The following DNM1 variants were observed in gnomAD, a reference collection of about 807,000 sequenced individuals.
DNM1 encodes the protein dynamin 1.
Under a neutral mutation model 104.6 loss-of-function variants are expected in DNM1, and 29 were observed. The observed-to-expected ratio is 0.28, with a 90% confidence interval of 0.21 to 0.38. The LOEUF (loss-of-function observed/expected upper bound fraction) is 0.38. Among genes scored for constraint, DNM1 ranks in the 10% least tolerant of loss-of-function variants. DNM1 has a pLI of 1.00. For missense variants in DNM1, 640 were observed against 1,189.4 expected, an observed-to-expected ratio of 0.54 and a Z score of 6.79; for synonymous variants, 445 against 475.8, an observed-to-expected ratio of 0.94 and a Z score of 0.84.
At position 128,219,218 on chromosome 9, in the gene DNM1, C is replaced by T. The variant is rs765080648; in HGVS notation, c.555C>T (p.Asp185=). Reference sequence around the variant, plus strand: ...CCAACTCTGACCTGGCCAATTCTGACGCCCTCAAGGTCGCCAAGGAGGTGG... The same window carrying T: ...CCAACTCTGACCTGGCCAATTCTGATGCCCTCAAGGTCGCCAAGGAGGTGG... ...SPANSDLANS[D]ALKVAKEVDP... The change falls in exon 4 of 22, where the codon GAC becomes GAT. Residue 185 remains aspartate, a synonymous_variant. Transcript: ENST00000372923. The T allele has an allele frequency of 3.7e-6, 6 of 1,614,192 alleles. No individual in the cohort carries two copies. The highest frequency in any genetic ancestry group is 2.2e-5 in the South Asian group (2 of 91,086).
Position 128,254,477 on chromosome 9 carries a change from T to C in DNM1, c.2535-177T>C. On this transcript the variant is annotated intron_variant, in intron 21 of 21. Transcript: ENST00000372923. This position sits in a 1 kb window ranked among gnomAD's most constrained non-coding sequence, Gnocchi z 6.1. ...GCTCCTCCCTCCATCTTCCTCCCCT[T>C]TCCCTTCCAGCCCCTTTTCCAGGAA... The C allele has an allele frequency of 1.3e-6, 2 of 1,502,584 alleles. No homozygotes were observed. Among genetic ancestry groups the C allele is most frequent in the South Asian group, 2.5e-5 (2 of 81,088 alleles). The allele number at this position is 1,502,584 out of a possible 1,614,324, so 93.1% of individuals were successfully genotyped here.
intron 11 of DNM1, among the ~76,000 whole-genome samples, chr9:128,238,218 G>A (rs1438521606): frequency 1.1e-5 from 1 of 90,234 alleles, no homozygotes; most frequent in African/African-American, 4.4e-5. Flanking sequence ...CTGTTTGTTT[G>A]TTTGTTTGTT....
intron 11 of DNM1, among the ~76,000 whole-genome samples, chr9:128,238,454 C>T (rs2131246947): frequency 6.6e-6 from 1 of 151,578 alleles, no homozygotes; most frequent in South Asian, 2.1e-4. Flanking sequence ...GAACTCCTGA[C>T]CTCAGGTGAT....
chr9:128,206,843 C>CT (rs1369762638), intron 1 of DNM1, among the ~76,000 whole-genome samples: 1 of 151,732 alleles, frequency 6.6e-6, no homozygotes, highest in African/African-American at 2.4e-5. Flanking sequence ...TTGTGGGAAG[C>CT]TTTTTAGTAG....
At position 128,218,542 on chromosome 9, in the gene DNM1, T is replaced by C. The variant is rs1398722064; in HGVS notation, c.236-40T>C. 3 of 1,586,976 alleles carry C rather than the reference T, an allele frequency of 1.9e-6. No individual in the cohort carries two copies. Among genetic ancestry groups the C allele is most frequent in the East Asian group, 2.3e-5 (1 of 44,432 alleles). On this transcript the variant is annotated intron_variant, in intron 2 of 21. Coordinates refer to ENST00000372923, the MANE Select transcript of DNM1 (RefSeq NM_004408.4). This position sits in a 1 kb window ranked among gnomAD's most constrained non-coding sequence, Gnocchi z 4.8. ...AAACCCCCAGGTGGGGTTCCAGACC[T>C]TGATGCCTACTGCCCTTCCCCTGCC...
chr9:128,239,959 T>C (rs1489506980), intron 13 of DNM1, 26 bp from the exon 14 acceptor site: 22 of 1,613,840 alleles, frequency 1.4e-5, no homozygotes, highest in Non-Finnish European at 1.8e-5. Flanking sequence ...ATGCCTCTCG[T>C]GGTTGCTATG....
intron 6 of DNM1, among the ~76,000 whole-genome samples, chr9:128,221,657 A>G (rs1031106361): frequency 3.3e-5 from 5 of 152,186 alleles, no homozygotes; most frequent in African/African-American, 1.2e-4. Context: ...CCACTTTGGG[A>G]GGCTGAGGCG....
In DNM1 at chr9:128,255,013, G is replaced by A. The variant is rs1040610153; in HGVS notation, c.*299G>A. The A allele has an allele frequency of 1.9e-4, 51 of 265,878 alleles. No homozygotes were observed. Among genetic ancestry groups the A allele is most frequent in the African/African-American group, 1.1e-3 (47 of 43,866 alleles). 16.5% of individuals were successfully genotyped at this position (265,878 alleles called of 1,614,324 possible). On this transcript the variant is annotated 3_prime_UTR_variant, in exon 22 of 22. Coordinates refer to ENST00000372923, the MANE Select transcript of DNM1 (RefSeq NM_004408.4). ...TCAGTCACTGTGCTATCCTTGTGGA[G>A]TCTTGTGGCCCAACTACCAGAGAAC...
chr9:128,231,966 GGAACGTTC>G (rs1214997506), intron 10 of DNM1: 3 of 456,220 alleles, frequency 6.6e-6, no homozygotes, highest in African/African-American at 6.0e-5. Context: ...GGCTGAGAGG[GGAACGTTC>G]CTTTTGAAAA....
At chr9:128,228,715 T>C (rs767333539) in intron 10 of DNM1, among the ~76,000 whole-genome samples, 7 of 152,246 alleles carry the variant, frequency 4.6e-5, no homozygotes, top group African/African-American at 1.7e-4. Context: ...CCAGGCGCAG[T>C]GGCTCACGCC....
chr9:128,244,667 T>C, intron 15 of DNM1: 1 of 484,424 alleles, frequency 2.1e-6, no homozygotes, highest in Non-Finnish European at 4.4e-6. Flanking sequence ...GGCTCCAGGC[T>C]CCGGTTCTGG....
rs1487476376 is a variant in DNM1 at position 128,248,270 on chromosome 9, G to A, written c.1906-313G>A. On this transcript the variant is annotated intron_variant, in intron 18 of 21. Transcript: ENST00000372923. This position sits in a 1 kb window ranked among gnomAD's most constrained non-coding sequence, Gnocchi z 5.6. ...TGAACCCAGGAGGAGGTTGCAATGA[G>A]CCAATACAGCACCACTGCACTCCAG... is the stretch of plus-strand genomic sequence containing the variant. 2 of 502,882 alleles carry A rather than the reference G, an allele frequency of 4.0e-6. No individual in the cohort carries two copies. Among genetic ancestry groups the A allele is most frequent in the Non-Finnish European group, 7.2e-6 (2 of 279,090 alleles). 31.2% of individuals were successfully genotyped at this position (502,882 alleles called of 1,614,324 possible).
Position 128,250,756 on chromosome 9 carries a change from C to G in DNM1, c.2350C>G (p.Arg784Gly). 7.0e-7 allele frequency: 1 copy of G among 1,425,954 alleles called. No individual in the cohort carries two copies. The highest frequency in any genetic ancestry group is 9.1e-7 in the Non-Finnish European group (1 of 1,094,136). 88.3% of individuals were successfully genotyped at this position (1,425,954 alleles called of 1,614,324 possible). A position where few individuals can be genotyped will look rare whatever the true frequency, so the allele number is the denominator to read the frequency against. Reference sequence around the variant, plus strand: ...CACGTCCAGCCCCACGCCGCAGCGCCGAGCCCCCGCCGTGCCCCCAGCCCG... The same window carrying G: ...CACGTCCAGCCCCACGCCGCAGCGCGGAGCCCCCGCCGTGCCCCCAGCCCG... ...SPTSSPTPQR[R>G]APAVPPARPG... The change falls in exon 21 of 22, where the codon CGA becomes GGA. Residue 784 changes from arginine (R) to glycine (G), a missense_variant. Coordinates refer to ENST00000372923, the MANE Select transcript of DNM1 (RefSeq NM_004408.4).
rs1235857170 is a variant in DNM1, at chr9:128,203,787, C to T, written c.161+156C>T. ...CCAGCCGGAGCGAGGAGGCCCTCCC[C>T]CCACCACGAGAGCCCCTCGGGGCAG... On this transcript the variant is annotated intron_variant, in intron 1 of 21. Transcript: ENST00000372923. This position sits in a 1 kb window ranked among gnomAD's most constrained non-coding sequence, Gnocchi z 5.3. 6.7e-6 allele frequency among the ~76,000 whole-genome samples: 1 copy of T among 149,430 alleles called. No individual in the cohort carries two copies. The highest frequency in any genetic ancestry group is 2.5e-5 in the African/African-American group (1 of 40,794).
Position 128,218,830 on chromosome 9 carries a change from C to T in DNM1, c.385+99C>T, listed in dbSNP as rs1834769685. 7 of 1,431,826 alleles carry T rather than the reference C, an allele frequency of 4.9e-6. No homozygotes were observed. Among genetic ancestry groups the T allele is most frequent in the Non-Finnish European group, 6.5e-6 (7 of 1,074,954 alleles). 88.7% of individuals were successfully genotyped at this position (1,431,826 alleles called of 1,614,324 possible). A position where few individuals can be genotyped will look rare whatever the true frequency, so the allele number is the denominator to read the frequency against. ...CCTGCAGACTCCGCCCCTAGAATGA[C>T]CCTGCCTCTGCATCATCCTATTCCA... is the stretch of plus-strand genomic sequence containing the variant. On this transcript the variant is annotated intron_variant, in intron 3 of 21. Coordinates refer to ENST00000372923, the MANE Select transcript of DNM1 (RefSeq NM_004408.4). The surrounding 1 kb of genome is among the most constrained non-coding windows in gnomAD (Gnocchi z 4.8).
Position 128,220,742 on chromosome 9 carries a change from C to CGCGCGCGTGTGTGTGTGTGTGT in DNM1, c.849+402_849+403insCGCGCGTGTGTGTGTGTGTGTG, listed in dbSNP as rs61020870. ...CAGAACTGAAGTGCGCGCGCGCGCG[C>CGCGCGCGTGTGTGTGTGTGTGT]GTGTGTGTGTGTGTGTGTGTGTGTG... On this transcript the variant is annotated intron_variant, in intron 6 of 21. Coordinates refer to ENST00000372923, the MANE Select transcript of DNM1 (RefSeq NM_004408.4). This position sits in a 1 kb window ranked among gnomAD's most constrained non-coding sequence, Gnocchi z 5.2. Among the ~76,000 whole-genome samples, 670 of 136,254 alleles carry CGCGCGCGTGTGTGTGTGTGTGT rather than the reference C, an allele frequency of 4.9e-3. 8 individuals carry two copies. Among genetic ancestry groups the CGCGCGCGTGTGTGTGTGTGTGT allele is most frequent in the African/African-American group, 0.017 (645 of 37,704 alleles). The allele number at this position is 136,254 out of a possible 152,430, so 89.4% of individuals were successfully genotyped here.
rs374121165 is a variant in DNM1, at chr9:128,222,765, C to A, written c.1129-28C>A. On this transcript the variant is annotated intron_variant, in intron 8 of 21. Transcript: ENST00000372923. The surrounding 1 kb of genome is among the most constrained non-coding windows in gnomAD (Gnocchi z 7.8). The stretch of plus-strand genomic sequence containing the variant: ...TCCCAGGTAGTAGGACAGGCCCTGA[C>A]CAGGCTTTTCTCTGCTTTTCTACAC... The A allele has an allele frequency of 3.1e-6, 5 of 1,613,526 alleles. No individual in the cohort carries two copies. The highest frequency in any genetic ancestry group is 4.2e-6 in the Non-Finnish European group (5 of 1,179,580).
At position 128,250,278 on chromosome 9, in the gene DNM1, C is replaced by T. The variant is rs1829432262; in HGVS notation, c.2240C>T (p.Thr747Met). 2.5e-6 allele frequency: 4 copies of T among 1,613,264 alleles called. No individual in the cohort carries two copies. The highest frequency in any genetic ancestry group is 3.4e-6 in the Non-Finnish European group (4 of 1,179,656). Reference protein sequence around the residue: ...EALSIIGDINTTTVSTPMPPP... With the variant: ...EALSIIGDINMTTVSTPMPPP... ...CTCAGCATCATCGGCGACATCAACA[C>T]GACCACCGTCAGCACGCCCATGCCC... The change falls in exon 20 of 22, where the codon ACG becomes ATG. Residue 747 changes from threonine (T) to methionine (M), a missense_variant. Around this residue, in one of 7 missense-constraint regions of DNM1, gnomAD observed 129 missense variants for 224.6 expected, o/e 0.57. Coordinates refer to ENST00000372923, the MANE Select transcript of DNM1 (RefSeq NM_004408.4).
rs1266079486 is a variant in DNM1 at position 128,253,146 on chromosome 9, A to C, written c.2535-1508A>C. 1.2e-6 allele frequency: 2 copies of C among 1,603,912 alleles called. No homozygotes were observed. Among genetic ancestry groups the C allele is most frequent in the Non-Finnish European group, 8.5e-7 (1 of 1,179,784 alleles). ...GAGGAGCGTCAGCCATGGTAGGTAC[A>C]TGCCTCACCGCCTGCTGCATGAACG... On this transcript the variant is annotated intron_variant, in intron 21 of 21. Transcript: ENST00000372923. The surrounding 1 kb of genome is among the most constrained non-coding windows in gnomAD (Gnocchi z 5.9).
Sources: gnomAD v4.1 joint callset for allele counts (sites outside exome capture counted in the v4.1 genomes callset) on GRCh38, gnomAD v4.1.1 for gene constraint, gnomAD v4.1.1 regional missense constraint, Gnocchi (gnomAD v3.1) non-coding constraint, MANE v1.5 for transcripts, NCBI Gene and HGNC (gene_info 2026-07-23, HGNC 2026-07-21) for gene names.